TNS3: variants seen among roughly 807,000 people sequenced by gnomAD.
TNS3 encodes the protein tensin-3.
A neutral mutation model predicts 140.9 loss-of-function variants in TNS3; 45 were observed. The ratio of observed to expected loss-of-function variants is 0.32; its 90% CI spans 0.25 to 0.41. The LOEUF is 0.41. TNS3 is among the 10% of genes least tolerant of loss of function. The probability of loss-of-function intolerance (pLI) is 1.00; values close to 1 mark genes in which losing one functional copy is unlikely to be tolerated. For synonymous variants in TNS3, 815 were observed against 788.4 expected, an observed-to-expected ratio of 1.03 and a Z score of -0.56; for missense variants, 1,716 against 1,906.7, an observed-to-expected ratio of 0.90 and a Z score of 1.86.
At chr7:47,498,002 G>A (rs1038057009) in intron 3 of TNS3, among the ~76,000 whole-genome samples, 1 of 152,164 alleles carries the variant, frequency 6.6e-6, no homozygotes, top group African/African-American at 2.4e-5. Flanking sequence ...TCTCCTCCGT[G>A]ACACCCCTGG....
chr7:47,522,503 C>T (rs1363436660), intron 2 of TNS3, among the ~76,000 whole-genome samples: 1 of 152,252 alleles, frequency 6.6e-6, no homozygotes, highest in Non-Finnish European at 1.5e-5. Context: ...ACCATGGCAC[C>T]TCAGGCTTGG....
chr7:47,334,592 C>A (rs1355059868), intron 20 of TNS3, among the ~76,000 whole-genome samples: 1 of 147,622 alleles, frequency 6.8e-6, no homozygotes, highest in African/African-American at 2.5e-5. Flanking sequence ...TGAGATGTAT[C>A]AGAACCACGA....
chr7:47,452,810 G>T, intron 4 of TNS3: 1 of 547,096 alleles, frequency 1.8e-6, no homozygotes, highest in Non-Finnish European at 2.3e-6. Context: ...AAAATGACTT[G>T]GAAATGCCCC....
chr7:47,413,908 ACAG>A (rs548858209), intron 12 of TNS3, 26 bp downstream of exon 12: 687 of 1,541,036 alleles, frequency 4.5e-4, no homozygotes, highest in Admixed American at 6.1e-4. Flanking sequence ...AGGTCCCACA[ACAG>A]CAGCAGCAGC....
At chr7:47,293,870 G>A in intron 24 of TNS3, 42 bp from the exon 25 acceptor site, 1 of 1,563,194 alleles carries the variant, frequency 6.4e-7, no homozygotes, top group Non-Finnish European at 8.8e-7. Context: ...TTTTGAAAAT[G>A]GGAGCATGGG....
intron 3 of TNS3, among the ~76,000 whole-genome samples, chr7:47,492,040 C>T (rs969222404): frequency 1.3e-5 from 2 of 152,192 alleles, no homozygotes; most frequent in Non-Finnish European, 2.9e-5. Context: ...GTTTAACATA[C>T]AAGTTAAAAT....
intron 16 of TNS3, among the ~76,000 whole-genome samples, chr7:47,379,635 C>T (rs372905140): frequency 3.3e-5 from 5 of 152,156 alleles, no homozygotes; most frequent in South Asian, 2.1e-4. Flanking sequence ...ATAAACTCTA[C>T]TCTGTAGGGA....
chr7:47,470,724 G>C (rs1045121409), intron 4 of TNS3: 2 of 927,274 alleles, frequency 2.2e-6, no homozygotes, highest in Admixed American at 6.2e-5. Context: ...CTCCTAGCCG[G>C]AGTGGGTTTT....
At chr7:47,395,085 A>C (rs1047148115) in intron 16 of TNS3, among the ~76,000 whole-genome samples, 1 of 152,204 alleles carries the variant, frequency 6.6e-6, no homozygotes. Context: ...CTCATGGTCA[A>C]TAACCCTCCA....
intron 16 of TNS3, among the ~76,000 whole-genome samples, chr7:47,390,504 T>C (rs762869780): frequency 6.6e-6 from 1 of 152,208 alleles, no homozygotes; most frequent in Non-Finnish European, 1.5e-5. Flanking sequence ...TCTGTCTGCC[T>C]GCTCTAGCAG....
rs1246410149 is a variant in TNS3 at position 47,293,764 on chromosome 7, C to T, written c.3741G>A (p.Arg1247=). The T allele has an allele frequency of 6.2e-7, 1 of 1,614,054 alleles. No homozygotes were observed. Among genetic ancestry groups the T allele is most frequent in the Non-Finnish European group, 8.5e-7 (1 of 1,180,032 alleles). The part of the protein sequence containing the change: ...FLIECTPKGV[R]LKGCSNEPYF... ...ATGGTTCATTCGAGCACCCTTTCAA[C>T]CGCACTCCCTTCGGGGTACACTCGA... The change falls in exon 25 of 31, where the codon CGG becomes CGA. Residue 1247 remains arginine (R), a synonymous_variant. Transcript: ENST00000311160.
intron 10 of TNS3, among the ~76,000 whole-genome samples, chr7:47,420,295 A>G (rs779369823): frequency 2.6e-5 from 4 of 152,168 alleles, no homozygotes; most frequent in Non-Finnish European, 4.4e-5. Flanking sequence ...TGGTTCGGCA[A>G]TTATCACATT....
chr7:47,428,177 C>A (rs759673622), intron 9 of TNS3, 135 bp downstream of exon 9: 160 of 531,378 alleles, frequency 3.0e-4, no homozygotes, highest in Non-Finnish European at 4.4e-4. Context: ...ACTGACCAAC[C>A]CAGCACTGGG....
At chr7:47,445,592 G>A (rs564873967) in intron 4 of TNS3, among the ~76,000 whole-genome samples, 1 of 152,232 alleles carries the variant, frequency 6.6e-6, no homozygotes, top group South Asian at 2.1e-4. Flanking sequence ...TGCCAAAAAG[G>A]GCAGAGAAAC....
At position 47,402,101 on chromosome 7, in the gene TNS3, T is replaced by C. The variant is rs1462157466; in HGVS notation, c.724-1187A>G. 2.6e-5 allele frequency among the ~76,000 whole-genome samples: 4 copies of C among 152,232 alleles called. No individual in the cohort carries two copies. In the East Asian group the frequency reaches 7.7e-4, roughly 29 times the overall value. On this transcript the variant is annotated intron_variant, in intron 13 of 30. Coordinates refer to ENST00000311160, the MANE Select transcript of TNS3 (RefSeq NM_022748.12). ...AGAATTCTGCAGGGAGGGTCTTCCCTAACCAGATGAACATCCACCAGAGGA... is the reference window on the plus strand; with the variant it reads ...AGAATTCTGCAGGGAGGGTCTTCCCCAACCAGATGAACATCCACCAGAGGA...
chr7:47,467,906 G>T (rs1483669731), intron 4 of TNS3, among the ~76,000 whole-genome samples: 3 of 152,206 alleles, frequency 2.0e-5, no homozygotes, highest in Non-Finnish European at 4.4e-5. Flanking sequence ...GTTGTTGTGT[G>T]TGGTTTTCTA....
intron 8 of TNS3, among the ~76,000 whole-genome samples, 157 bp downstream of exon 8, chr7:47,435,125 C>T (rs1795113844): frequency 6.6e-6 from 1 of 152,090 alleles, no homozygotes; most frequent in African/African-American, 2.4e-5. Flanking sequence ...CTGTTTCCTT[C>T]TTTAAGAGCA....
chr7:47,348,382 G>A (rs973587390), intron 17 of TNS3, among the ~76,000 whole-genome samples: 1 of 152,190 alleles, frequency 6.6e-6, no homozygotes, highest in South Asian at 2.1e-4. Context: ...CAGGAGCTCC[G>A]CTGCCCTGTA....
chr7:47,473,559 G>C (rs1172412959), intron 4 of TNS3, among the ~76,000 whole-genome samples: 1 of 152,146 alleles, frequency 6.6e-6, no homozygotes, highest in Non-Finnish European at 1.5e-5. Context: ...TGTTTCTGAA[G>C]TTTACTGAGG....
Sources: gnomAD v4.1 joint callset for allele counts (sites outside exome capture counted in the v4.1 genomes callset) on GRCh38, gnomAD v4.1.1 for gene constraint, MANE v1.5 for transcripts, NCBI Gene and HGNC (gene_info 2026-07-23, HGNC 2026-07-21) for gene names.